The following RPH3A variants were observed in gnomAD, a reference collection of about 807,000 sequenced individuals.
The protein encoded by RPH3A is rabphilin 3A.
Under a neutral mutation model 102.2 loss-of-function variants are expected in RPH3A, and 48 were observed. The ratio of observed to expected loss-of-function variants is 0.47; its 90% CI spans 0.37 to 0.60. The LOEUF is 0.60. Ranked by LOEUF, RPH3A falls within the 20% of genes least tolerant of loss-of-function variation. RPH3A has a pLI of 0.00. For missense variants in RPH3A, 781 were observed against 910.1 expected (o/e 0.86, Z 1.83); for synonymous variants, 310 against 324.3 (o/e 0.96, Z 0.47).
At chr12:112,746,292 C>T (rs1234706349) in intron 1 of RPH3A, among the ~76,000 whole-genome samples, 1 of 152,126 alleles carries the variant, frequency 6.6e-6, no homozygotes. Context: ...TGCATGATCA[C>T]ACACTTTGAT....
intron 1 of RPH3A, among the ~76,000 whole-genome samples, chr12:112,693,737 G>T (rs1164093294): frequency 6.6e-6 from 1 of 152,016 alleles, no homozygotes; most frequent in Non-Finnish European, 1.5e-5. Context: ...TTCTAGTGAT[G>T]CCCCCTGCTC....
intron 1 of RPH3A, among the ~76,000 whole-genome samples, chr12:112,577,708 A>ATT (rs544357302): frequency 3.0e-5 from 4 of 134,026 alleles, no homozygotes; most frequent in East Asian, 4.3e-4. Flanking sequence ...ATGCCCACCT[A>ATT]TTTTTTTTTT....
chr12:112,675,419 C>T (rs1309552730), intron 1 of RPH3A, among the ~76,000 whole-genome samples: 1 of 152,124 alleles, frequency 6.6e-6, no homozygotes, highest in Non-Finnish European at 1.5e-5. Flanking sequence ...TAACTGGGTA[C>T]CAGCAACGGT....
At chr12:112,830,283 C>T (rs1420641244) in intron 3 of RPH3A, among the ~76,000 whole-genome samples, 1 of 152,036 alleles carries the variant, frequency 6.6e-6, no homozygotes, top group Non-Finnish European at 1.5e-5. Context: ...TTCTACTTTA[C>T]CCCAAGAGTG....
chr12:112,877,851 G>A (rs1593118295), intron 13 of RPH3A, among the ~76,000 whole-genome samples: 1 of 152,252 alleles, frequency 6.6e-6, no homozygotes, highest in Non-Finnish European at 1.5e-5. Flanking sequence ...GTCCACACGT[G>A]TTGGGCACTC....
At chr12:112,580,704 C>A (rs1185187997) in intron 1 of RPH3A, among the ~76,000 whole-genome samples, 2 of 152,084 alleles carry the variant, frequency 1.3e-5, no homozygotes, top group Non-Finnish European at 2.9e-5. Context: ...CCGCGCCTGG[C>A]CTGTCTTGTC....
intron 18 of RPH3A, 29 bp downstream of exon 18, chr12:112,890,109 AG>A: frequency 6.2e-7 from 1 of 1,603,730 alleles, no homozygotes; most frequent in East Asian, 2.2e-5. Flanking sequence ...TTGAAGCCAC[AG>A]TCAGGGTCTG....
intron 1 of RPH3A, among the ~76,000 whole-genome samples, chr12:112,713,123 G>A: frequency 7.3e-6 from 1 of 136,966 alleles, no homozygotes; most frequent in East Asian, 2.3e-4. Flanking sequence ...GTAGAGAAAG[G>A]GTCTCACCAT....
chr12:112,742,663 A>G (rs906432458), intron 1 of RPH3A, among the ~76,000 whole-genome samples: 1 of 152,166 alleles, frequency 6.6e-6, no homozygotes, highest in African/African-American at 2.4e-5. Flanking sequence ...TGGGGGAGAA[A>G]GTCAGGTTTA....
Position 112,875,148 on chromosome 12 carries a change from G to A in RPH3A, c.861G>A (p.Ala287=), listed in dbSNP as rs141044207. The A allele has an allele frequency of 2.0e-3, 3,140 of 1,604,902 alleles. 7 individuals carry two copies. The highest frequency in any genetic ancestry group is 2.4e-3 in the Non-Finnish European group (2,792 of 1,176,154). Residue 287 remains alanine, a synonymous_variant, in exon 11 of 22, where the codon GCG becomes GCA. Transcript: ENST00000389385. ...RPAPGSVQSP[A]PPQPGQPGTP... ...CCCCAGGCTCGGTGCAGAGCCCAGCGCCACCTCAGCCTGGGCAGCCAGGTA... is the reference window on the plus strand; with the variant it reads ...CCCCAGGCTCGGTGCAGAGCCCAGCACCACCTCAGCCTGGGCAGCCAGGTA...
intron 1 of RPH3A, among the ~76,000 whole-genome samples, chr12:112,671,044 C>T (rs959752895): frequency 1.3e-5 from 2 of 152,114 alleles, no homozygotes; most frequent in South Asian, 2.1e-4. Flanking sequence ...AAAATCTTGA[C>T]ATTAAGATAT....
intron 1 of RPH3A, among the ~76,000 whole-genome samples, chr12:112,785,009 G>A (rs1174420937): frequency 1.3e-5 from 2 of 152,168 alleles, no homozygotes; most frequent in Non-Finnish European, 2.9e-5. Flanking sequence ...GATCACCTGA[G>A]GTCGGGAGTT....
chr12:112,804,252 CA>C (rs1392266056), intron 2 of RPH3A, among the ~76,000 whole-genome samples: 6 of 152,146 alleles, frequency 3.9e-5, no homozygotes, highest in Admixed American at 2.0e-4. Flanking sequence ...ATAGTGGGTC[CA>C]CCGGGCCAAC....
chr12:112,752,911 A>G (rs2040794397), intron 1 of RPH3A, among the ~76,000 whole-genome samples: 1 of 149,208 alleles, frequency 6.7e-6, no homozygotes, highest in African/African-American at 2.5e-5. Flanking sequence ...TTGAGACTGT[A>G]TGATCATTTA....
At chr12:112,855,538 C>T (rs1284156714) in intron 5 of RPH3A, among the ~76,000 whole-genome samples, 1 of 152,186 alleles carries the variant, frequency 6.6e-6, no homozygotes, top group African/African-American at 2.4e-5. Context: ...TCACCAGTCC[C>T]TCAAGGAGAC....
intron 1 of RPH3A, among the ~76,000 whole-genome samples, chr12:112,698,631 T>TTA (rs1179512382): frequency 6.6e-6 from 1 of 152,168 alleles, no homozygotes; most frequent in African/African-American, 2.4e-5. Context: ...AGCCACAGAC[T>TTA]TAAAGACTAT....
rs1361844968 is a variant in RPH3A at position 112,828,517 on chromosome 12, T to C, written c.71+128T>C. The C allele has an allele frequency of 2.1e-5, 14 of 675,400 alleles. No homozygotes were observed. The African/African-American group carries it at 2.4e-4, about 12-fold the overall frequency. 41.8% of individuals were successfully genotyped at this position (675,400 alleles called of 1,614,324 possible). A position where few individuals can be genotyped will look rare whatever the true frequency, so the allele number is the denominator to read the frequency against. On this transcript the variant is annotated intron_variant, in intron 3 of 21. Coordinates refer to ENST00000389385, the MANE Select transcript of RPH3A (RefSeq NM_001143854.2). ...GGGGGAGAGGAACCTAATGGGAGTT[T>C]AGTCATGAAAACATCTCCCCTAGTT...
At chr12:112,726,128 A>G (rs2040589015) in intron 1 of RPH3A, among the ~76,000 whole-genome samples, 7 of 129,128 alleles carry the variant, frequency 5.4e-5, no homozygotes, top group African/African-American at 1.2e-4. Context: ...TGTACTGGGG[A>G]GTGGGGGATG....
chr12:112,874,629 T>G (rs1444447541), intron 10 of RPH3A, among the ~76,000 whole-genome samples: 1 of 152,166 alleles, frequency 6.6e-6, no homozygotes, highest in African/African-American at 2.4e-5. Flanking sequence ...CATATGAAGA[T>G]AGAGACACAT....
Sources: allele counts gnomAD v4.1 joint callset (sites outside exome capture counted in the v4.1 genomes callset), GRCh38; gene constraint gnomAD v4.1.1; transcripts MANE v1.5; gene names NCBI Gene and HGNC (gene_info 2026-07-23, HGNC 2026-07-21).